Variants in SMAD5 observed in about 807,000 individuals in gnomAD.
SMAD5 encodes the protein MAD, mothers against decapentaplegic homolog 5.
A neutral mutation model predicts 43.1 loss-of-function variants in SMAD5; 9 were observed. The ratio of observed to expected loss-of-function variants is 0.21; its 90% confidence interval spans 0.13 to 0.36. The LOEUF is 0.36. Ranked by LOEUF, SMAD5 falls within the 10% of genes least tolerant of loss-of-function variation. The probability of loss-of-function intolerance (pLI) is 1.00; values close to 1 mark genes in which losing one functional copy is unlikely to be tolerated. For synonymous variants in SMAD5, 190 were observed against 192.4 expected (o/e 0.99, Z 0.10); for missense variants, 348 against 574.0 (o/e 0.61, Z 4.02).
At chr5:136,141,473 C>G (rs946334009) in intron 1 of SMAD5, among the ~76,000 whole-genome samples, 7 of 152,156 alleles carry the variant, frequency 4.6e-5, no homozygotes, top group Non-Finnish European at 7.3e-5. Context: ...CTACGTTATT[C>G]TGTGAAGGGA....
intron 7 of SMAD5, among the ~76,000 whole-genome samples, chr5:136,176,155 T>TA (rs1754406493): frequency 6.6e-6 from 1 of 151,228 alleles, no homozygotes. Flanking sequence ...AAATTTTTCG[T>TA]TAAAAAAAAA....
intron 1 of SMAD5, among the ~76,000 whole-genome samples, chr5:136,144,768 A>G (rs1753203216): frequency 6.6e-6 from 1 of 151,890 alleles, no homozygotes; most frequent in East Asian, 1.9e-4. Context: ...GGACTGTCAA[A>G]TGCATCTTCC....
chr5:136,169,799 AT>A (rs1326181160), intron 5 of SMAD5, among the ~76,000 whole-genome samples: 1 of 152,068 alleles, frequency 6.6e-6, no homozygotes, highest in Non-Finnish European at 1.5e-5. Flanking sequence ...ATTGTTTTGG[AT>A]TTTGGCCATT....
rs145967528 is a variant in SMAD5, at chr5:136,136,384, G to T, written c.-245+3422G>T. Among the ~76,000 whole-genome samples the T allele has an allele frequency of 1.6e-3, 247 of 152,222 alleles. 2 individuals are homozygous for T. Among genetic ancestry groups the T allele is most frequent in the East Asian group, 9.9e-3 (51 of 5,174 alleles). The stretch of plus-strand genomic sequence containing the variant: ...GTAGAGACGGTGTTTCACCATGTTC[G>T]CCAGGCTGGTCTTGAACTCTTAACA... On this transcript the variant is annotated intron_variant, in intron 1 of 7. Coordinates refer to ENST00000545279, the MANE Select transcript of SMAD5 (RefSeq NM_005903.7).
At chr5:136,148,564 C>A (rs890426730) in intron 2 of SMAD5, among the ~76,000 whole-genome samples, 1 of 151,788 alleles carries the variant, frequency 6.6e-6, no homozygotes, top group African/African-American at 2.4e-5. Flanking sequence ...ACATTATCCC[C>A]ATGGGTCTTG....
In SMAD5 at chr5:136,180,300, T is replaced by C. The variant is rs1330169302; in HGVS notation, c.*2820T>C. ...ATATGTTTTAATTTAATCTACAGAA[T>C]GTTTTATAGTAAAATTCTAGCACCA... On this transcript the variant is annotated 3_prime_UTR_variant, in exon 8 of 8. Transcript: ENST00000545279. 6.6e-6 allele frequency: 1 copy of C among 152,174 alleles called. No homozygotes were observed. The highest frequency in any genetic ancestry group is 1.5e-5 in the Non-Finnish European group (1 of 67,988). 9.4% of individuals were successfully genotyped at this position (152,174 alleles called of 1,614,324 possible). A position where few individuals can be genotyped will look rare whatever the true frequency, so the allele number is the denominator to read the frequency against.
intron 5 of SMAD5, among the ~76,000 whole-genome samples, chr5:136,169,386 G>C (rs1754137813): frequency 1.3e-5 from 2 of 152,008 alleles, no homozygotes; most frequent in South Asian, 2.1e-4. Context: ...ATCTCCTTTG[G>C]CGACACACCC....
chr5:136,135,846 G>A (rs919654491), intron 1 of SMAD5, among the ~76,000 whole-genome samples: 2 of 152,100 alleles, frequency 1.3e-5, no homozygotes, highest in African/African-American at 4.8e-5. Flanking sequence ...TATATTCCTT[G>A]TATCTGTCTG....
chr5:136,166,312 T>G (rs1483087075), intron 5 of SMAD5, among the ~76,000 whole-genome samples: 2 of 152,144 alleles, frequency 1.3e-5, no homozygotes, highest in African/African-American at 4.8e-5. Context: ...ATACGTTTCT[T>G]AAAACAATGT....
At position 136,172,419 on chromosome 5, in the gene SMAD5, C is replaced by T; in HGVS notation, c.776-15C>T. On this transcript the variant is annotated splice_polypyrimidine_tract_variant and intron_variant, in intron 5 of 7. Coordinates refer to ENST00000545279, the MANE Select transcript of SMAD5 (RefSeq NM_005903.7). The stretch of plus-strand genomic sequence containing the variant: ...GATATGTATTAAACTCTTTCTGTGT[C>T]TGGTTTGTTCACAGATGTTCAGCCT... 6.8e-7 allele frequency: 1 copy of T among 1,469,008 alleles called. No homozygotes were observed. The highest frequency in any genetic ancestry group is 9.5e-7 in the Non-Finnish European group (1 of 1,054,908). 91.0% of individuals were successfully genotyped at this position (1,469,008 alleles called of 1,614,324 possible). A position where few individuals can be genotyped will look rare whatever the true frequency, so the allele number is the denominator to read the frequency against.
intron 2 of SMAD5, among the ~76,000 whole-genome samples, chr5:136,149,474 C>T (rs1232703548): frequency 6.6e-6 from 1 of 151,220 alleles, no homozygotes; most frequent in African/African-American, 2.4e-5. Context: ...TTATCATGAA[C>T]AGTTAATCTT....
intron 5 of SMAD5, among the ~76,000 whole-genome samples, chr5:136,164,357 C>T (rs1753925416): frequency 6.6e-6 from 1 of 152,176 alleles, no homozygotes; most frequent in East Asian, 1.9e-4. Context: ...TACATTCTCA[C>T]CAGCAAAGTA....
At chr5:136,152,632 G>C (rs918708958) in intron 2 of SMAD5, 1 of 152,134 alleles carries the variant, frequency 6.6e-6, no homozygotes, top group South Asian at 2.1e-4. Flanking sequence ...GCTGTGCAGC[G>C]ATCTGCAGGA....
chr5:136,166,347 T>C (rs1754012631), intron 5 of SMAD5, among the ~76,000 whole-genome samples: 1 of 152,154 alleles, frequency 6.6e-6, no homozygotes, highest in African/African-American at 2.4e-5. Context: ...TCTATGTTTG[T>C]GATAATACTG....
At chr5:136,154,926 T>C (rs1362738268) in intron 3 of SMAD5, among the ~76,000 whole-genome samples, 1 of 152,190 alleles carries the variant, frequency 6.6e-6, no homozygotes, top group East Asian at 1.9e-4. Flanking sequence ...ATCCTGGTTC[T>C]CCTACCTCAC....
At position 136,174,575 on chromosome 5, in the gene SMAD5, G is replaced by A. The variant is rs774196715; in HGVS notation, c.1197G>A (p.Gly399=). The A allele has an allele frequency of 6.2e-7, 1 of 1,613,460 alleles. No homozygotes were observed. The highest frequency in any genetic ancestry group is 1.3e-5 in the African/African-American group (1 of 74,904). The change falls in exon 7 of 8, where the codon GGG becomes GGA. Residue 399 remains glycine (G), a synonymous_variant. Coordinates refer to ENST00000545279, the MANE Select transcript of SMAD5 (RefSeq NM_005903.7). ...AQLLAQSVNH[G]FEAVYELTKM... is the part of the protein sequence containing the mutation. ...TTCTGGCTCAATCTGTCAACCATGG[G>A]TTTGAGGCAGTATATGAGCTCACCA... is the stretch of plus-strand genomic sequence containing the variant.
rs1180255711 is a variant in SMAD5, at chr5:136,172,483, C to A, written c.825C>A (p.Val275=). 1.2e-6 allele frequency: 2 copies of A among 1,613,050 alleles called. No homozygotes were observed. The highest frequency in any genetic ancestry group is 2.2e-5 in the South Asian group (2 of 91,038). ...AGCCTAAACATTGGTGTTCAATAGTCTACTATGAATTAAACAATCGTGTTG... is the reference window on the plus strand; with the variant it reads ...AGCCTAAACATTGGTGTTCAATAGTATACTATGAATTAAACAATCGTGTTG... ...YEEPKHWCSI[V]YYELNNRVGE... is the part of the protein sequence containing the mutation. Residue 275 remains valine, a synonymous_variant, in exon 6 of 8, where the codon GTC becomes GTA. Transcript: ENST00000545279.
intron 5 of SMAD5, among the ~76,000 whole-genome samples, chr5:136,167,347 T>C (rs924524165): frequency 4.6e-5 from 7 of 152,186 alleles, no homozygotes; most frequent in African/African-American, 1.7e-4. Flanking sequence ...CAGTGGTTTA[T>C]TTTCCTCTCT....
chr5:136,176,750 A>T (rs974272698), intron 7 of SMAD5, among the ~76,000 whole-genome samples: 5 of 152,122 alleles, frequency 3.3e-5, no homozygotes, highest in African/African-American at 1.2e-4. Context: ...TAAATTTTAC[A>T]TCTGCACATT....
Sources: gnomAD v4.1 joint callset for allele counts (sites outside exome capture counted in the v4.1 genomes callset) on GRCh38, gnomAD v4.1.1 for gene constraint, MANE v1.5 for transcripts, NCBI Gene and HGNC (gene_info 2026-07-23, HGNC 2026-07-21) for gene names.